Variants in EYS observed in about 807,000 individuals in gnomAD.
The protein encoded by EYS is protein eyes shut homolog.
A neutral mutation model predicts 282.1 loss-of-function variants in EYS; 250 were observed. That is an observed-to-expected ratio of 0.89 (90% confidence interval 0.80 to 0.98). The LOEUF is 0.98. Among genes scored for constraint, EYS ranks in the 50% least tolerant of loss-of-function variants. The pLI, the probability that EYS is intolerant of heterozygous loss-of-function variation, is 0.00. For synonymous variants in EYS, 1,355 were observed against 1,282.9 expected (o/e 1.06, Z -1.20); for missense variants, 4,016 against 3,709.0 (o/e 1.08, Z -2.15).
intron 35 of EYS, among the ~76,000 whole-genome samples, chr6:63,948,202 C>T (rs77913879): frequency 7.2e-5 from 11 of 152,178 alleles, no homozygotes; most frequent in Admixed American, 3.9e-4. Context: ...TCATACTTGG[C>T]TGCACAGAAC....
intron 12 of EYS, among the ~76,000 whole-genome samples, chr6:65,099,429 T>C (rs1343439477): frequency 6.6e-6 from 1 of 150,780 alleles, no homozygotes; most frequent in Non-Finnish European, 1.5e-5. Context: ...ATCTGGCACA[T>C]ATTTGTATTG....
At chr6:65,484,087 G>A (rs1179000099) in intron 5 of EYS, among the ~76,000 whole-genome samples, 1 of 151,670 alleles carries the variant, frequency 6.6e-6, no homozygotes, top group Non-Finnish European at 1.5e-5. Context: ...TCTTTTAAAT[G>A]TGATGCTTCC....
At chr6:63,734,241 C>A (rs1439334186) in intron 41 of EYS, among the ~76,000 whole-genome samples, 1 of 152,104 alleles carries the variant, frequency 6.6e-6, no homozygotes, top group Non-Finnish European at 1.5e-5. Flanking sequence ...ACTCTTGTAA[C>A]AAACCTGCAC....
At chr6:63,802,020 C>G (rs1249169833) in intron 37 of EYS, among the ~76,000 whole-genome samples, 1 of 152,140 alleles carries the variant, frequency 6.6e-6, no homozygotes, top group Non-Finnish European at 1.5e-5. Flanking sequence ...ATCAATATTA[C>G]TAGGCAATAA....
intron 2 of EYS, among the ~76,000 whole-genome samples, chr6:65,610,697 G>T (rs975570467): frequency 6.6e-6 from 1 of 151,818 alleles, no homozygotes. Flanking sequence ...TTTTATTAAC[G>T]GATTAATTTT....
At chr6:64,949,543 C>A (rs906379903) in intron 14 of EYS, among the ~76,000 whole-genome samples, 3 of 151,796 alleles carry the variant, frequency 2.0e-5, no homozygotes, top group African/African-American at 7.3e-5. Context: ...GTTAAAGGCC[C>A]ATTTAATTAG....
Position 64,234,184 on chromosome 6 carries a change from T to G in EYS, c.6192-3360A>C, listed in dbSNP as rs927343713. 9.9e-5 allele frequency among the ~76,000 whole-genome samples: 15 copies of G among 152,148 alleles called. 1 individual carries two copies. The highest frequency in any genetic ancestry group is 3.6e-4 in the African/African-American group (15 of 41,436). ...AGGATTCAAAAATCACTGTGTTTGA[T>G]TGTAAAGAGTAGTAAAATAAATGAA... On this transcript the variant is annotated intron_variant, in intron 30 of 42. Transcript: ENST00000503581.
At chr6:65,519,746 T>G (rs1459060084) in intron 2 of EYS, among the ~76,000 whole-genome samples, 1 of 128,016 alleles carries the variant, frequency 7.8e-6, no homozygotes, top group African/African-American at 3.1e-5. Flanking sequence ...GATAAGATCT[T>G]GCTCTGTCAC....
chr6:63,864,011 C>T (rs558764039), intron 36 of EYS, among the ~76,000 whole-genome samples, 175 bp downstream of exon 36: 13 of 152,104 alleles, frequency 8.5e-5, no homozygotes, highest in Non-Finnish European at 1.6e-4. Context: ...ATGAGAAGTA[C>T]CTGCTTGGTG....
chr6:64,372,736 C>A (rs1013045883), intron 29 of EYS, among the ~76,000 whole-genome samples: 1 of 152,068 alleles, frequency 6.6e-6, no homozygotes, highest in Non-Finnish European at 1.5e-5. Context: ...AGATTTTGTT[C>A]ATTCTTTATT....
At chr6:64,809,718 AAGAAC>A (rs1157564683) in intron 22 of EYS, among the ~76,000 whole-genome samples, 1 of 152,096 alleles carries the variant, frequency 6.6e-6, no homozygotes, top group Non-Finnish European at 1.5e-5. Flanking sequence ...GACCAAACAC[AAGAAC>A]AGAAAACCAA....
At chr6:65,042,325 T>C (rs1772962684) in intron 13 of EYS, among the ~76,000 whole-genome samples, 1 of 151,602 alleles carries the variant, frequency 6.6e-6, no homozygotes, top group Non-Finnish European at 1.5e-5. Context: ...TATACCTCGG[T>C]TGGATTTTTG....
intron 28 of EYS, among the ~76,000 whole-genome samples, chr6:64,423,533 C>T (rs1000127836): frequency 2.2e-4 from 34 of 152,246 alleles, no homozygotes; most frequent in Admixed American, 5.9e-4. Flanking sequence ...ACAGAGGAAT[C>T]GCTTTCCTTT....
chr6:64,976,977 C>A (rs1480400532), intron 14 of EYS, among the ~76,000 whole-genome samples: 1 of 151,978 alleles, frequency 6.6e-6, no homozygotes, highest in Admixed American at 6.6e-5. Context: ...ACTGCAACCT[C>A]TGCCTCCTGG....
intron 4 of EYS, chr6:65,491,668 T>A: frequency 2.6e-6 from 1 of 388,834 alleles, no homozygotes; most frequent in Non-Finnish European, 5.0e-6. Flanking sequence ...AACATAAAAA[T>A]TAAATTAACA....
intron 13 of EYS, among the ~76,000 whole-genome samples, chr6:65,043,896 C>T (rs1299580102): frequency 1.3e-5 from 2 of 151,592 alleles, no homozygotes; most frequent in African/African-American, 4.8e-5. Context: ...TGCATACATA[C>T]CCAGAAATGG....
intron 12 of EYS, among the ~76,000 whole-genome samples, chr6:65,234,606 A>G (rs1766874037): frequency 6.6e-6 from 1 of 152,212 alleles, no homozygotes; most frequent in East Asian, 1.9e-4. Flanking sequence ...CTTTCTTACC[A>G]ATCACTACAG....
chr6:64,144,028 G>T (rs1352404411), intron 31 of EYS, among the ~76,000 whole-genome samples: 1 of 152,126 alleles, frequency 6.6e-6, no homozygotes, highest in African/African-American at 2.4e-5. Context: ...AAGTGTGTTA[G>T]ACTTAAGAAT....
chr6:64,336,751 G>A (rs150222309), intron 29 of EYS, among the ~76,000 whole-genome samples: 5,293 of 152,034 alleles, frequency 0.035, 218 homozygotes, highest in African/African-American at 0.097. Context: ...ACAAATTTAA[G>A]AAAATTGAAA....
Sources: gnomAD v4.1 joint callset for allele counts (sites outside exome capture counted in the v4.1 genomes callset) on GRCh38, gnomAD v4.1.1 for gene constraint, MANE v1.5 for transcripts, NCBI Gene and HGNC (gene_info 2026-07-23, HGNC 2026-07-21) for gene names.